NAV1: variants seen among roughly 807,000 people sequenced by gnomAD.
NAV1 encodes neuron navigator 1.
In NAV1, 18 loss-of-function variants were observed where a neutral mutation model predicts 175.2. The ratio of observed to expected loss-of-function variants is 0.10; its 90% CI spans 0.07 to 0.15. NAV1 has a LOEUF of 0.15. Ranked by LOEUF, NAV1 falls within the 10% of genes least tolerant of loss-of-function variation. NAV1 has a pLI of 1.00. For missense variants in NAV1, 1,731 were observed against 2,436.6 expected, an observed-to-expected ratio of 0.71 and a Z score of 6.10; for synonymous variants, 897 against 978.7, an observed-to-expected ratio of 0.92 and a Z score of 1.56.
intron 3 of NAV1, among the ~76,000 whole-genome samples, chr1:201,737,984 C>T (rs6667811): frequency 0.39 from 58,815 of 151,772 alleles, 11,582 homozygotes; most frequent in Non-Finnish European, 0.42. Flanking sequence ...GTGCTCACCC[C>T]GTTTCGGGTG....
Position 201,765,558 on chromosome 1 carries a change from CTAATTTTTTGTATTTTAGT to C in NAV1, c.1227-14862_1227-14844del, listed in dbSNP as rs1675164463. ...GACAGGCGCGTGCCACCACACCTAG[CTAATTTTTTGTATTTTAGT>C]AGAGACGGGGTTTCACCATGTTGCC... On this transcript the variant is annotated intron_variant, in intron 3 of 29. Transcript: ENST00000367296. Among the ~76,000 whole-genome samples, 5 of 152,042 alleles carry C rather than the reference CTAATTTTTTGTATTTTAGT, an allele frequency of 3.3e-5. No homozygotes were observed. In the South Asian group the frequency reaches 1.0e-3, roughly 32 times the overall value.
intron 15 of NAV1, among the ~76,000 whole-genome samples, chr1:201,799,988 T>A (rs1359792954): frequency 6.6e-6 from 1 of 151,836 alleles, no homozygotes; most frequent in African/African-American, 2.4e-5. Context: ...TTTTATTTTT[T>A]ATTTTTATTT....
chr1:201,560,381 G>GCGC (rs1666163449), intron 1 of NAV1, among the ~76,000 whole-genome samples: 1 of 152,166 alleles, frequency 6.6e-6, no homozygotes, highest in Non-Finnish European at 1.5e-5. Flanking sequence ...CCCTTAGCCA[G>GCGC]CGCCAGCTTC....
chr1:201,585,549 A>C (rs528971948), intron 1 of NAV1, among the ~76,000 whole-genome samples: 3 of 152,190 alleles, frequency 2.0e-5, no homozygotes, highest in Non-Finnish European at 2.9e-5. Flanking sequence ...AGGAAAAAAA[A>C]TTTGCAAATC....
At chr1:201,666,465 C>T (rs1423833151) in intron 1 of NAV1, among the ~76,000 whole-genome samples, 2 of 152,194 alleles carry the variant, frequency 1.3e-5, no homozygotes, top group Non-Finnish European at 2.9e-5. Context: ...GGTCGAGCAA[C>T]TGTCCTTTAT....
At chr1:201,564,537 C>A (rs1164364429) in intron 1 of NAV1, among the ~76,000 whole-genome samples, 3 of 152,178 alleles carry the variant, frequency 2.0e-5, no homozygotes, top group Non-Finnish European at 4.4e-5. Context: ...ATTGCTTGAA[C>A]CCTTGAACCC....
chr1:201,596,458 C>T (rs984875153), intron 2 of NAV1, among the ~76,000 whole-genome samples: 1 of 152,208 alleles, frequency 6.6e-6, no homozygotes, highest in Non-Finnish European at 1.5e-5. Flanking sequence ...ACTGGCTGGG[C>T]TCATGTGAAA....
chr1:201,637,932 A>T (rs1668653049), intron 2 of NAV1, among the ~76,000 whole-genome samples: 1 of 152,242 alleles, frequency 6.6e-6, no homozygotes, highest in South Asian at 2.1e-4. Context: ...GGCAACATAC[A>T]GGAAAAGCAC....
chr1:201,794,133 T>G, intron 14 of NAV1: 1 of 677,986 alleles, frequency 1.5e-6, no homozygotes, highest in Non-Finnish European at 2.7e-6. Context: ...TCAGGGCTCC[T>G]GCTAATCCCA....
intron 1 of NAV1, among the ~76,000 whole-genome samples, chr1:201,548,367 C>T (rs1056457212): frequency 3.9e-5 from 6 of 152,118 alleles, no homozygotes; most frequent in Non-Finnish European, 2.9e-5. Context: ...ACTCACCCCC[C>T]AATCTGTACA....
At chr1:201,548,794 G>T (rs1464031296) in intron 1 of NAV1, among the ~76,000 whole-genome samples, 1 of 152,196 alleles carries the variant, frequency 6.6e-6, no homozygotes, top group Non-Finnish European at 1.5e-5. Context: ...AGAGAGTCGG[G>T]TTTAGTGTAA....
At chr1:201,681,606 A>G (rs1327783564) in intron 1 of NAV1, among the ~76,000 whole-genome samples, 1 of 152,136 alleles carries the variant, frequency 6.6e-6, no homozygotes, top group Non-Finnish European at 1.5e-5. Flanking sequence ...TGTGTCTTGG[A>G]TTAAGCAATA....
chr1:201,594,531 G>A (rs539494601), intron 2 of NAV1, among the ~76,000 whole-genome samples: 130 of 152,336 alleles, frequency 8.5e-4, no homozygotes, highest in African/African-American at 3.1e-3. Context: ...CCCCATGCAG[G>A]CCCCATAAAC....
At chr1:201,727,628 G>A (rs1395221115) in intron 3 of NAV1, among the ~76,000 whole-genome samples, 1 of 152,200 alleles carries the variant, frequency 6.6e-6, no homozygotes, top group African/African-American at 2.4e-5. Context: ...CAAGGATTTG[G>A]GTGCAAGTGG....
Position 201,812,943 on chromosome 1 carries a change from T to C in NAV1, c.5222-197T>C, listed in dbSNP as rs79710653. On this transcript the variant is annotated intron_variant, in intron 27 of 29. Coordinates refer to ENST00000367296, the Ensembl canonical transcript of NAV1. This position sits in a 1 kb window ranked among gnomAD's most constrained non-coding sequence, Gnocchi z 4.6. ...TTAAACAGCTTTCCTCACTCCCTTA[T>C]CTCACTTCTACCTTGTGAAGCAGGA... is the stretch of plus-strand genomic sequence containing the variant. Among the ~76,000 whole-genome samples, 924 of 152,332 alleles carry C rather than the reference T, an allele frequency of 6.1e-3. 2 individuals are homozygous for C. Among genetic ancestry groups the C allele is most frequent in the Non-Finnish European group, 9.5e-3 (647 of 68,024 alleles).
intron 1 of NAV1, among the ~76,000 whole-genome samples, chr1:201,680,200 G>T (rs886569023): frequency 6.6e-6 from 1 of 152,116 alleles, no homozygotes; most frequent in African/African-American, 2.4e-5. Context: ...AGAGAGGAAG[G>T]AAGTTCCAGT....
At chr1:201,766,755 C>T (rs1168788635) in intron 3 of NAV1, among the ~76,000 whole-genome samples, 1 of 152,124 alleles carries the variant, frequency 6.6e-6, no homozygotes, top group Non-Finnish European at 1.5e-5. Context: ...TTTCATTGAC[C>T]AAAAGTTTCC....
At chr1:201,804,191 C>T (rs935588667) in intron 16 of NAV1, 1 of 520,096 alleles carries the variant, frequency 1.9e-6, no homozygotes, top group African/African-American at 1.9e-5. Flanking sequence ...TTTGGTAGGT[C>T]CAGAAGTCAT....
At position 201,615,272 on chromosome 1, in the gene NAV1, T is replaced by TG. The variant is rs1265427476; in HGVS notation, c.-32-7581_-32-7580insG. Among the ~76,000 whole-genome samples the TG allele has an allele frequency of 1.8e-4, 27 of 151,668 alleles. No homozygotes were observed. The South Asian group carries it at 4.8e-3, about 27-fold the overall frequency. ...CTTTCTTTCTTTCTTTCTTTCTTTT[T>TG]TTTTTTGTTTGAGATGGAGTCTCAC... On this transcript the variant is annotated intron_variant, in intron 2 of 33. Coordinates refer to the NAV1 transcript ENST00000685211.
Sources: allele counts gnomAD v4.1 joint callset (sites outside exome capture counted in the v4.1 genomes callset), GRCh38; gene constraint gnomAD v4.1.1; non-coding constraint Gnocchi (gnomAD v3.1); transcripts MANE v1.5; gene names NCBI Gene and HGNC (gene_info 2026-07-23, HGNC 2026-07-21).